AGBL4: variants seen among roughly 807,000 people sequenced by gnomAD.
The protein encoded by AGBL4 is AGBL carboxypeptidase 4, also known as cytosolic carboxypeptidase 6.
Under a neutral mutation model 66.4 loss-of-function variants are expected in AGBL4, and 58 were observed. The ratio of observed to expected loss-of-function variants is 0.87; its 90% confidence interval spans 0.71 to 1.09. The LOEUF is 1.09. AGBL4 is among the 50% of genes least tolerant of loss of function. The probability of loss-of-function intolerance (pLI) is 0.00; values close to 1 mark genes in which losing one functional copy is unlikely to be tolerated. For missense variants in AGBL4, 579 were observed against 631.0 expected, an observed-to-expected ratio of 0.92 and a Z score of 0.88; for synonymous variants, 234 against 222.9, an observed-to-expected ratio of 1.05 and a Z score of -0.44.
chr1:48,725,011 C>G lies in AGBL4; in HGVS notation c.635-61770G>C, dbSNP rs562963445. Among the ~76,000 whole-genome samples the G allele has an allele frequency of 2.0e-4, 31 of 152,284 alleles. No homozygotes were observed. In the South Asian group the frequency reaches 6.2e-3, roughly 31 times the overall value. On this transcript the variant is annotated intron_variant, in intron 6 of 13. Transcript: ENST00000371839. The stretch of plus-strand genomic sequence containing the variant: ...GAGGGAAAAATCATTTGAGCCTAGA[C>G]AGAAAGTCACCTTCTGATTGTGTGC...
chr1:49,218,557 G>A (rs1649254177), intron 4 of AGBL4, among the ~76,000 whole-genome samples: 1 of 152,032 alleles, frequency 6.6e-6, no homozygotes, highest in African/African-American at 2.4e-5. Context: ...TCTTTTGGGT[G>A]CAAGTCATTT....
intron 4 of AGBL4, among the ~76,000 whole-genome samples, chr1:49,051,160 AT>A (rs1411033671): frequency 6.6e-6 from 1 of 152,118 alleles, no homozygotes; most frequent in Non-Finnish European, 1.5e-5. Context: ...AGACACAAGC[AT>A]TTTTCTTCAA....
At chr1:49,799,803 C>T (rs1644816438) in intron 2 of AGBL4, among the ~76,000 whole-genome samples, 1 of 152,066 alleles carries the variant, frequency 6.6e-6, no homozygotes, top group Non-Finnish European at 1.5e-5. Flanking sequence ...TACATTATCT[C>T]CTTGAGTTTC....
At chr1:49,911,109 A>G (rs1247212247) in intron 1 of AGBL4, among the ~76,000 whole-genome samples, 1 of 152,206 alleles carries the variant, frequency 6.6e-6, no homozygotes, top group Non-Finnish European at 1.5e-5. Context: ...TGCTGATGAT[A>G]AACCATGAGT....
chr1:48,946,999 A>G (rs998677100), intron 5 of AGBL4, among the ~76,000 whole-genome samples: 3 of 152,218 alleles, frequency 2.0e-5, no homozygotes, highest in African/African-American at 4.8e-5. Context: ...CCCCAGGAAT[A>G]CAGTTTGTCA....
intron 9 of AGBL4, among the ~76,000 whole-genome samples, chr1:48,604,903 C>G (rs1645132843): frequency 6.6e-6 from 1 of 152,110 alleles, no homozygotes; most frequent in South Asian, 2.1e-4. Flanking sequence ...AATGCAAGCC[C>G]CTTCATCCAT....
intron 3 of AGBL4, among the ~76,000 whole-genome samples, chr1:49,624,656 G>A (rs911076867): frequency 1.3e-5 from 2 of 152,094 alleles, no homozygotes; most frequent in Admixed American, 1.3e-4. Context: ...CAGAATAGCT[G>A]GAGCTGCTAC....
intron 3 of AGBL4, among the ~76,000 whole-genome samples, chr1:49,395,784 T>C (rs1055662671): frequency 1.4e-5 from 2 of 138,690 alleles, no homozygotes; most frequent in African/African-American, 5.5e-5. Context: ...TACATGTGTA[T>C]ATATGTATAT....
At chr1:48,855,325 T>C (rs1015794885) in intron 6 of AGBL4, among the ~76,000 whole-genome samples, 1 of 152,232 alleles carries the variant, frequency 6.6e-6, no homozygotes, top group Non-Finnish European at 1.5e-5. Flanking sequence ...GCATCTTTCA[T>C]AGATTTCTCA....
chr1:49,569,129 C>T (rs1644275834), intron 3 of AGBL4, among the ~76,000 whole-genome samples: 1 of 152,042 alleles, frequency 6.6e-6, no homozygotes, highest in African/African-American at 2.4e-5. Context: ...TATCCAGCCA[C>T]AGAAAGACAA....
chr1:49,172,170 T>C (rs549331294), intron 4 of AGBL4, among the ~76,000 whole-genome samples: 224 of 152,310 alleles, frequency 1.5e-3, no homozygotes, highest in Non-Finnish European at 2.8e-3. Flanking sequence ...ATAGAGGAGA[T>C]GGACACTTTG....
intron 6 of AGBL4, among the ~76,000 whole-genome samples, chr1:48,741,325 C>T (rs920739858): frequency 3.9e-5 from 6 of 152,308 alleles, no homozygotes; most frequent in Middle Eastern, 3.4e-3. Flanking sequence ...ACAAGGATGC[C>T]GAGACCCAGA....
intron 9 of AGBL4, among the ~76,000 whole-genome samples, chr1:48,632,291 GC>G (rs1383601469): frequency 2.6e-5 from 4 of 152,190 alleles, no homozygotes; most frequent in Non-Finnish European, 5.9e-5. Flanking sequence ...GATCTAACCA[GC>G]TGATGATCAA....
At chr1:48,592,582 A>T (rs1469573960) in intron 9 of AGBL4, among the ~76,000 whole-genome samples, 4 of 152,234 alleles carry the variant, frequency 2.6e-5, no homozygotes, top group Non-Finnish European at 4.4e-5. Context: ...TATAAAAGTC[A>T]TCTTCACAAT....
intron 5 of AGBL4, among the ~76,000 whole-genome samples, chr1:48,960,728 T>C (rs948150325): frequency 6.6e-6 from 1 of 152,234 alleles, no homozygotes; most frequent in African/African-American, 2.4e-5. Context: ...ACATAGAATA[T>C]AGAATACTCT....
At chr1:49,715,197 T>C (rs1026924390) in intron 2 of AGBL4, among the ~76,000 whole-genome samples, 2 of 152,174 alleles carry the variant, frequency 1.3e-5, no homozygotes, top group East Asian at 1.9e-4. Context: ...CTCCCACTTA[T>C]GAGTGAGAAC....
At chr1:48,905,870 T>C (rs1652538344) in intron 5 of AGBL4, among the ~76,000 whole-genome samples, 1 of 152,192 alleles carries the variant, frequency 6.6e-6, no homozygotes, top group East Asian at 1.9e-4. Flanking sequence ...GTAGTATTCA[T>C]CCATTTATTT....
intron 3 of AGBL4, among the ~76,000 whole-genome samples, chr1:49,677,542 T>C (rs569547310): frequency 3.3e-5 from 5 of 152,192 alleles, no homozygotes; most frequent in Non-Finnish European, 5.9e-5. Flanking sequence ...TGGTCTGTAG[T>C]TTTATCTTTT....
chr1:49,237,625 T>C (rs1321628058), intron 4 of AGBL4, among the ~76,000 whole-genome samples: 2 of 143,368 alleles, frequency 1.4e-5, no homozygotes, highest in African/African-American at 2.6e-5. Flanking sequence ...GAGTGAGGTG[T>C]AGAAACTCTA....
Sources: gnomAD v4.1 joint callset for allele counts (sites outside exome capture counted in the v4.1 genomes callset) on GRCh38, gnomAD v4.1.1 for gene constraint, MANE v1.5 for transcripts, NCBI Gene and HGNC (gene_info 2026-07-23, HGNC 2026-07-21) for gene names.